SESN3: variants seen among roughly 807,000 people sequenced by gnomAD.
The protein encoded by SESN3 is sestrin 3, also known as sestrin-3.
SESN3 carries 21 observed loss-of-function variants against 55.3 expected under a neutral mutation model. The observed-to-expected ratio is 0.38, with a 90% CI of 0.27 to 0.55. The LOEUF is 0.55. Among genes scored for constraint, SESN3 ranks in the 20% least tolerant of loss-of-function variants. The pLI, the probability that SESN3 is intolerant of heterozygous loss-of-function variation, is 0.76. For synonymous variants in SESN3, 181 were observed against 203.1 expected, an observed-to-expected ratio of 0.89 and a Z score of 0.93; for missense variants, 408 against 604.3, an observed-to-expected ratio of 0.68 and a Z score of 3.41.
intron 1 of SESN3, among the ~76,000 whole-genome samples, chr11:95,202,704 T>A (rs1176705392): frequency 6.6e-6 from 1 of 152,068 alleles, no homozygotes; most frequent in African/African-American, 2.4e-5. Flanking sequence ...GAACTATAAA[T>A]CTTAGTAGCT....
At chr11:95,195,226 TAC>T (rs1860339604) in intron 1 of SESN3, among the ~76,000 whole-genome samples, 2 of 152,334 alleles carry the variant, frequency 1.3e-5, no homozygotes, top group Admixed American at 6.5e-5. Flanking sequence ...CACAATTTGA[TAC>T]AGTTAGCAAC....
At chr11:95,193,027 G>A (rs1860296623) in intron 2 of SESN3, among the ~76,000 whole-genome samples, 1 of 151,876 alleles carries the variant, frequency 6.6e-6, no homozygotes, top group African/African-American at 2.4e-5. Context: ...ATATGTAGTA[G>A]GCAACTTAGA....
At chr11:95,227,313 C>G (rs1009881020) in intron 1 of SESN3, among the ~76,000 whole-genome samples, 1 of 151,980 alleles carries the variant, frequency 6.6e-6, no homozygotes, top group African/African-American at 2.4e-5. Flanking sequence ...TCAAGTGATT[C>G]TCCTGCCTCA....
Position 95,230,971 on chromosome 11 carries a change from G to T in SESN3, c.-111C>A. ...CGCCGCCAGCCGCGATTCCGCCTCA[G>T]CCTCCTCAAGGCGGGATGTCGGGAG... On this transcript the variant is annotated 5_prime_UTR_variant, in exon 1 of 10. In the 5' UTR this introduces an upstream ATG that the reference lacks. Coordinates refer to ENST00000536441, the MANE Select transcript of SESN3 (RefSeq NM_144665.4). This position sits in a 1 kb window ranked among gnomAD's most constrained non-coding sequence, Gnocchi z 4.6. 1.6e-6 allele frequency: 1 copy of T among 642,426 alleles called. No homozygotes were observed. The highest frequency in any genetic ancestry group is 2.4e-6 in the Non-Finnish European group (1 of 419,476). 39.8% of individuals were successfully genotyped at this position (642,426 alleles called of 1,614,324 possible).
intron 1 of SESN3, among the ~76,000 whole-genome samples, chr11:95,197,776 G>A (rs191787212): frequency 3.2e-4 from 49 of 152,196 alleles, no homozygotes; most frequent in Middle Eastern, 6.8e-3. Context: ...TAGGGAAGAC[G>A]ATGGAGCAGA....
At chr11:95,211,168 T>C (rs528599708) in intron 1 of SESN3, among the ~76,000 whole-genome samples, 5 of 152,338 alleles carry the variant, frequency 3.3e-5, no homozygotes, top group South Asian at 4.2e-4. Flanking sequence ...TGTAGAAACT[T>C]GGGGCATCTC....
At chr11:95,205,604 G>A (rs1390697386) in intron 1 of SESN3, among the ~76,000 whole-genome samples, 2 of 152,060 alleles carry the variant, frequency 1.3e-5, no homozygotes, top group East Asian at 1.9e-4. Flanking sequence ...ACACAATAAG[G>A]CAGCTGAAAT....
intron 1 of SESN3, among the ~76,000 whole-genome samples, chr11:95,202,112 T>A (rs1280981277): frequency 6.6e-6 from 1 of 152,054 alleles, no homozygotes; most frequent in Non-Finnish European, 1.5e-5. Flanking sequence ...ATATTGTTTC[T>A]CTCTCTTATA....
Position 95,230,772 on chromosome 11 carries a change from C to A in SESN3, c.78+11G>T, listed in dbSNP as rs748371844. The A allele has an allele frequency of 1.3e-5, 21 of 1,602,754 alleles. No homozygotes were observed. The Admixed American group carries it at 2.7e-4, about 21-fold the overall frequency. On this transcript the variant is annotated intron_variant, in intron 1 of 9. Coordinates refer to ENST00000536441, the MANE Select transcript of SESN3 (RefSeq NM_144665.4). The surrounding 1 kb of genome is among the most constrained non-coding windows in gnomAD (Gnocchi z 4.6). The stretch of plus-strand genomic sequence containing the variant: ...GACCCTCGCCGGCAGGACCCCGGGC[C>A]GAACCCGTACCTTCCGCAGCACTTT...
rs1196627547 is a variant in SESN3, at chr11:95,169,504, T to C, written c.*3751A>G. On this transcript the variant is annotated 3_prime_UTR_variant, in exon 10 of 10. Transcript: ENST00000536441. The stretch of plus-strand genomic sequence containing the variant: ...AAAGCAGTTCTATTAAAGAGAAGAA[T>C]TTAAGGTCTTGCTTTCCAGAGAAAT... 1 of 152,218 alleles carries C rather than the reference T, an allele frequency of 6.6e-6. No homozygotes were observed. The highest frequency in any genetic ancestry group is 1.5e-5 in the Non-Finnish European group (1 of 68,022). The allele number at this position is 152,218 out of a possible 1,614,324, so 9.4% of individuals were successfully genotyped here.
intron 9 of SESN3, among the ~76,000 whole-genome samples, chr11:95,174,553 G>C (rs550024402): frequency 6.6e-6 from 1 of 151,944 alleles, no homozygotes; most frequent in Non-Finnish European, 1.5e-5. Context: ...GAGTGATCTC[G>C]GCTCACTGCA....
In SESN3 at chr11:95,165,520, T is replaced by C. The variant is rs1218025111; in HGVS notation, c.*7735A>G. 1 of 152,128 alleles carries C rather than the reference T, an allele frequency of 6.6e-6. No individual in the cohort carries two copies. Among genetic ancestry groups the C allele is most frequent in the East Asian group, 1.9e-4 (1 of 5,190 alleles). The allele number at this position is 152,128 out of a possible 1,614,324, so 9.4% of individuals were successfully genotyped here. A position where few individuals can be genotyped will look rare whatever the true frequency, so the allele number is the denominator to read the frequency against. ...ACCAAGCGAGAATGCTACTCCAGTA[T>C]AAACAAAGTAGGCAAATGATTGGTG... On this transcript the variant is annotated 3_prime_UTR_variant, in exon 10 of 10. Coordinates refer to ENST00000536441, the MANE Select transcript of SESN3 (RefSeq NM_144665.4).
At chr11:95,209,842 C>T (rs992319424) in intron 1 of SESN3, among the ~76,000 whole-genome samples, 1 of 150,162 alleles carries the variant, frequency 6.7e-6, no homozygotes, top group African/African-American at 2.4e-5. Context: ...CATGGCGAAA[C>T]CCCGTCTCTA....
At chr11:95,223,928 G>A (rs1860904539) in intron 1 of SESN3, among the ~76,000 whole-genome samples, 1 of 152,098 alleles carries the variant, frequency 6.6e-6, no homozygotes, top group South Asian at 2.1e-4. Flanking sequence ...AGAAAACTCT[G>A]AAATGTTTAA....
intron 1 of SESN3, among the ~76,000 whole-genome samples, chr11:95,225,877 T>TA (rs1157923170): frequency 1.3e-5 from 2 of 152,192 alleles, no homozygotes; most frequent in African/African-American, 4.8e-5. Flanking sequence ...CCTTAACTCT[T>TA]AGTCTTTTCA....
At position 95,230,870 on chromosome 11, in the gene SESN3, G is replaced by A. The variant is rs751531531; in HGVS notation, c.-10C>T. On this transcript the variant is annotated 5_prime_UTR_variant, in exon 1 of 10. Transcript: ENST00000536441. The surrounding 1 kb of genome is among the most constrained non-coding windows in gnomAD (Gnocchi z 4.6). ...CGCCGCCCCGGTTCATCGTGGCTGCGGGCGCCGAGGCGAGAGCGGGCGGAG... is the reference window on the plus strand; with the variant it reads ...CGCCGCCCCGGTTCATCGTGGCTGCAGGCGCCGAGGCGAGAGCGGGCGGAG... 5 of 1,567,660 alleles carry A rather than the reference G, an allele frequency of 3.2e-6. No individual in the cohort carries two copies. The highest frequency in any genetic ancestry group is 1.4e-5 in the African/African-American group (1 of 70,284).
intron 6 of SESN3, among the ~76,000 whole-genome samples, chr11:95,179,401 A>C (rs1860020543): frequency 6.6e-6 from 1 of 152,020 alleles, no homozygotes. Flanking sequence ...TGATCCACCC[A>C]CCTTGGCCTC....
chr11:95,178,563 T>C (rs1860001210), intron 7 of SESN3, 147 bp downstream of exon 7: 2 of 597,468 alleles, frequency 3.3e-6, no homozygotes, highest in Admixed American at 2.9e-5. Context: ...TATTGGGAAC[T>C]CCAATTAGAT....
At chr11:95,219,132 GTTAA>G (rs1266906103) in intron 1 of SESN3, among the ~76,000 whole-genome samples, 10 of 152,002 alleles carry the variant, frequency 6.6e-5, no homozygotes, top group Non-Finnish European at 1.5e-4. Context: ...ATCTCAGGAG[GTTAA>G]TTATATAGGT....
Sources: gnomAD v4.1 joint callset for allele counts (sites outside exome capture counted in the v4.1 genomes callset) on GRCh38, gnomAD v4.1.1 for gene constraint, Gnocchi (gnomAD v3.1) non-coding constraint, MANE v1.5 for transcripts, NCBI Gene and HGNC (gene_info 2026-07-23, HGNC 2026-07-21) for gene names.